Variants in ACSS3 observed in about 807,000 individuals in gnomAD.
The protein encoded by ACSS3 is acyl-CoA synthetase short chain family member 3.
ACSS3 carries 64 observed loss-of-function variants against 84.2 expected under a neutral mutation model. That is an observed-to-expected ratio of 0.76 (90% confidence interval 0.62 to 0.94). The LOEUF (loss-of-function observed/expected upper bound fraction) is 0.94, where lower values mean the gene tolerates loss of function less well. Among genes scored for constraint, ACSS3 ranks in the 40% least tolerant of loss-of-function variants. The probability of loss-of-function intolerance (pLI) is 0.00; values close to 1 mark genes in which losing one functional copy is unlikely to be tolerated. For synonymous variants in ACSS3, 317 were observed against 310.1 expected, an observed-to-expected ratio of 1.02 and a Z score of -0.23; for missense variants, 815 against 867.6, an observed-to-expected ratio of 0.94 and a Z score of 0.76.
chr12:81,164,547 G>C (rs1054244344), intron 7 of ACSS3, among the ~76,000 whole-genome samples: 1 of 152,124 alleles, frequency 6.6e-6, no homozygotes, highest in Admixed American at 6.5e-5. Flanking sequence ...ATTGAGGGTA[G>C]GAACTGCTCG....
chr12:81,228,976 C>A (rs1451340991), intron 11 of ACSS3, among the ~76,000 whole-genome samples: 1 of 151,804 alleles, frequency 6.6e-6, no homozygotes, highest in Non-Finnish European at 1.5e-5. Flanking sequence ...ATCAGCACTC[C>A]TGTATACCAG....
intron 5 of ACSS3, among the ~76,000 whole-genome samples, chr12:81,147,202 G>A (rs1886382674): frequency 6.6e-6 from 1 of 152,092 alleles, no homozygotes; most frequent in African/African-American, 2.4e-5. Context: ...CCTGTATCAA[G>A]ATATTTCATG....
intron 9 of ACSS3, among the ~76,000 whole-genome samples, chr12:81,208,527 C>T (rs2032446533): frequency 6.6e-6 from 1 of 152,078 alleles, no homozygotes; most frequent in Non-Finnish European, 1.5e-5. Context: ...AAAATTTGGT[C>T]TTATCTTCCA....
chr12:81,220,134 G>GA (rs1230346187), intron 11 of ACSS3, 58 bp downstream of exon 11: 4 of 1,092,150 alleles, frequency 3.7e-6, no homozygotes, highest in Middle Eastern at 2.1e-4. Flanking sequence ...TATATACTAA[G>GA]AAAAAATGGG....
At chr12:81,222,830 T>A (rs1156395640) in intron 11 of ACSS3, among the ~76,000 whole-genome samples, 1 of 152,050 alleles carries the variant, frequency 6.6e-6, no homozygotes, top group African/African-American at 2.4e-5. Flanking sequence ...TTTTAGTGCT[T>A]TATTAGATTA....
chr12:81,252,260 C>CT (rs547703638), intron 13 of ACSS3, among the ~76,000 whole-genome samples: 109 of 152,208 alleles, frequency 7.2e-4, no homozygotes, highest in African/African-American at 2.6e-3. Flanking sequence ...GCCCTTATCA[C>CT]TTTTGTATTT....
At chr12:81,167,010 G>T (rs1887434878) in intron 7 of ACSS3, among the ~76,000 whole-genome samples, 1 of 152,206 alleles carries the variant, frequency 6.6e-6, no homozygotes, top group South Asian at 2.1e-4. Context: ...AAATAACTCA[G>T]AGATGAAAAC....
intron 1 of ACSS3, among the ~76,000 whole-genome samples, chr12:81,089,840 C>T (rs1380351512): frequency 6.6e-6 from 1 of 151,936 alleles, no homozygotes; most frequent in African/African-American, 2.4e-5. Flanking sequence ...TGAATCTTCC[C>T]AACAACTCTT....
chr12:81,164,719 T>C (rs1265952438), intron 7 of ACSS3, among the ~76,000 whole-genome samples: 7 of 152,196 alleles, frequency 4.6e-5, no homozygotes, highest in Non-Finnish European at 1.0e-4. Context: ...CTCCCAGGCT[T>C]CATTTTCACA....
chr12:81,083,805 A>T (rs1292676451), intron 1 of ACSS3, among the ~76,000 whole-genome samples: 5 of 152,064 alleles, frequency 3.3e-5, no homozygotes, highest in Admixed American at 6.5e-5. Context: ...CCCCATATCT[A>T]CTAAAAATAC....
intron 9 of ACSS3, among the ~76,000 whole-genome samples, chr12:81,202,274 G>A (rs956471793): frequency 1.0e-4 from 15 of 148,006 alleles, no homozygotes; most frequent in East Asian, 7.8e-4. Context: ...GCGAGACTCT[G>A]TCTCAAAATA....
At chr12:81,134,774 T>C (rs367869496) in intron 2 of ACSS3, 42 bp from the exon 3 acceptor site, 13 of 1,415,832 alleles carry the variant, frequency 9.2e-6, no homozygotes, top group Non-Finnish European at 1.2e-5. Flanking sequence ...TTTGGTGAAA[T>C]AATACAAAAT....
At chr12:81,237,737 G>A (rs2033672713) in intron 13 of ACSS3, among the ~76,000 whole-genome samples, 1 of 151,538 alleles carries the variant, frequency 6.6e-6, no homozygotes, top group African/African-American at 2.4e-5. Flanking sequence ...TTGTCTATTT[G>A]GATATTCTAC....
At chr12:81,164,522 C>G (rs1476740392) in intron 7 of ACSS3, among the ~76,000 whole-genome samples, 1 of 152,192 alleles carries the variant, frequency 6.6e-6, no homozygotes, top group East Asian at 1.9e-4. Context: ...ATATGCAAGT[C>G]TCATATTTGA....
At position 81,231,113 on chromosome 12, in the gene ACSS3, A is replaced by C. The variant is rs2135968931; in HGVS notation, c.1571A>C (p.Lys524Thr). 6.2e-7 allele frequency: 1 copy of C among 1,610,700 alleles called. No individual in the cohort carries two copies. ...SGLWKNQEAF[K>T]HLYFEKFPGY... ...CTCTGGAAGAATCAGGAAGCATTCAAGCATTTATACTTTGAAAAATTTCCT... is the reference window on the plus strand; with the variant it reads ...CTCTGGAAGAATCAGGAAGCATTCACGCATTTATACTTTGAAAAATTTCCT... Residue 524 changes from lysine (K) to threonine (T), a missense_variant, in exon 12 of 16, where the codon AAG becomes ACG. Lys to Thr is a moderately conservative substitution (Grantham distance 78, BLOSUM62 -1). Transcript: ENST00000548058.
intron 2 of ACSS3, among the ~76,000 whole-genome samples, chr12:81,111,260 T>C (rs1883557511): frequency 6.6e-6 from 1 of 152,290 alleles, no homozygotes; most frequent in South Asian, 2.1e-4. Context: ...CTCACTGCCT[T>C]GAGTCAATCT....
chr12:81,231,237 GA>G (rs2033452564), intron 12 of ACSS3, 99 bp downstream of exon 12: 1 of 1,030,952 alleles, frequency 9.7e-7, no homozygotes, highest in Non-Finnish European at 1.4e-6. Context: ...AGATCAAAAA[GA>G]AACTTTTAAA....
intron 5 of ACSS3, chr12:81,143,624 A>AT (rs1011563029): frequency 1.2e-4 from 18 of 151,934 alleles, no homozygotes; most frequent in Non-Finnish European, 2.5e-4. Context: ...TAAATAAAAT[A>AT]TTTTTATTCT....
chr12:81,159,115 C>A (rs1345725055), intron 7 of ACSS3, among the ~76,000 whole-genome samples: 1 of 152,084 alleles, frequency 6.6e-6, no homozygotes, highest in East Asian at 1.9e-4. Context: ...AACAGGACTG[C>A]ATGAGCAACT....
Sources: allele counts gnomAD v4.1 joint callset (sites outside exome capture counted in the v4.1 genomes callset), GRCh38; gene constraint gnomAD v4.1.1; transcripts MANE v1.5; gene names NCBI Gene and HGNC (gene_info 2026-07-23, HGNC 2026-07-21).